Variants in ZSCAN2 observed in about 807,000 individuals in gnomAD.
ZSCAN2 encodes zinc finger and SCAN domain containing 2.
In ZSCAN2, 26 loss-of-function variants were observed where a neutral mutation model predicts 47.8. The ratio of observed to expected loss-of-function variants is 0.54; its 90% CI spans 0.40 to 0.75. The LOEUF (loss-of-function observed/expected upper bound fraction) is 0.75, where lower values mean the gene tolerates loss of function less well. ZSCAN2 is among the 30% of genes least tolerant of loss of function. ZSCAN2 has a pLI of 0.00. For synonymous variants in ZSCAN2, 305 were observed against 288.7 expected, an observed-to-expected ratio of 1.06 and a Z score of -0.57; for missense variants, 732 against 785.4, an observed-to-expected ratio of 0.93 and a Z score of 0.81.
In ZSCAN2 at chr15:84,622,362, C is replaced by T; in HGVS notation, c.*322C>T. The T allele has an allele frequency of 1.7e-6, 1 of 576,260 alleles. No homozygotes were observed. Among genetic ancestry groups the T allele is most frequent in the East Asian group, 3.0e-5 (1 of 33,754 alleles). The allele number at this position is 576,260 out of a possible 1,614,324, so 35.7% of individuals were successfully genotyped here. A position where few individuals can be genotyped will look rare whatever the true frequency, so the allele number is the denominator to read the frequency against. The stretch of plus-strand genomic sequence containing the variant: ...TTTGGTAAAATGGGGGGAAATGTTT[C>T]TCCATGTGGAATGGAAGACAGCATG... On this transcript the variant is annotated 3_prime_UTR_variant, in exon 3 of 3. Coordinates refer to ENST00000546148, the MANE Select transcript of ZSCAN2 (RefSeq NM_181877.4).
At chr15:84,616,389 C>G (rs768972170) in intron 2 of ZSCAN2, 2 of 1,607,612 alleles carry the variant, frequency 1.2e-6, no homozygotes, top group Non-Finnish European at 1.7e-6. Context: ...ACCAAAGAAG[C>G]CAGCCCTGCT....
chr15:84,615,532 T>C (rs1407536007), intron 2 of ZSCAN2, among the ~76,000 whole-genome samples: 2 of 152,136 alleles, frequency 1.3e-5, no homozygotes, highest in African/African-American at 4.8e-5. Context: ...GGTGTTGCCA[T>C]GTTTCCTAAG....
chr15:84,609,350 C>G (rs1168785297), intron 2 of ZSCAN2, among the ~76,000 whole-genome samples: 1 of 149,392 alleles, frequency 6.7e-6, no homozygotes, highest in African/African-American at 2.5e-5. Flanking sequence ...GAGACAAAGT[C>G]TCACTCTGTC....
At chr15:84,616,510 CT>C in intron 2 of ZSCAN2, 1 of 1,365,922 alleles carries the variant, frequency 7.3e-7, no homozygotes, top group South Asian at 2.0e-5. Flanking sequence ...TTCCTCATTG[CT>C]TTTACCCAGT....
intron 2 of ZSCAN2, among the ~76,000 whole-genome samples, chr15:84,617,034 A>G (rs1238415873): frequency 2.0e-5 from 3 of 152,098 alleles, no homozygotes; most frequent in Non-Finnish European, 2.9e-5. Context: ...AAGCAGGAGA[A>G]TTGCTTGAAC....
chr15:84,615,930 A>G (rs1006819753), intron 2 of ZSCAN2, among the ~76,000 whole-genome samples: 1 of 152,120 alleles, frequency 6.6e-6, no homozygotes, highest in African/African-American at 2.4e-5. Flanking sequence ...GATGGAAATG[A>G]TCACTTTTCT....
intron 2 of ZSCAN2, chr15:84,606,539 C>A (rs1299595019): frequency 9.9e-6 from 16 of 1,613,576 alleles, no homozygotes; most frequent in Non-Finnish European, 1.3e-5. Context: ...CTGTAGCTGT[C>A]GTTGCTTCCC....
At position 84,604,154 on chromosome 15, in the gene ZSCAN2, C is replaced by A. The variant is rs150217069; in HGVS notation, c.227C>A (p.Ala76Glu). 4 of 1,613,512 alleles carry A rather than the reference C, an allele frequency of 2.5e-6. No homozygotes were observed. The highest frequency in any genetic ancestry group is 3.4e-6 in the Non-Finnish European group (4 of 1,179,848). The change falls in exon 2 of 3, where the codon GCA becomes GAA. Residue 76 changes from alanine to glutamate, a missense_variant. This residue lies in a region of ZSCAN2 where 320 missense variants were observed against 287.4 expected (regional missense o/e 1.11). Transcript: ENST00000546148. The stretch of plus-strand genomic sequence containing the variant: ...GAGGTGACCAGGGGACCACAGGGTG[C>A]ACTCGGCCGCCTCCGAGAGCTCTGC... ...QEEVTRGPQG[A>E]LGRLRELCRR...
chr15:84,609,015 G>C (rs1253101659), intron 2 of ZSCAN2, among the ~76,000 whole-genome samples: 10 of 152,238 alleles, frequency 6.6e-5, no homozygotes. Context: ...TTGTCCAACA[G>C]TTGAGTGAAA....
At chr15:84,619,005 G>C (rs973116820) in intron 2 of ZSCAN2, among the ~76,000 whole-genome samples, 1 of 152,136 alleles carries the variant, frequency 6.6e-6, no homozygotes, top group African/African-American at 2.4e-5. Flanking sequence ...CCTCATCCTC[G>C]GGTAGATTTT....
At position 84,621,316 on chromosome 15, in the gene ZSCAN2, A is replaced by G; in HGVS notation, c.1121A>G (p.Asn374Ser). Residue 374 changes from asparagine to serine, a missense_variant, in exon 3 of 3, where the codon AAC becomes AGC. Physicochemically the swap from Asn to Ser is conservative, Grantham distance 46. Around this residue, in one of 2 missense-constraint regions of ZSCAN2, gnomAD observed 412 missense variants for 498.0 expected, o/e 0.83. Transcript: ENST00000546148. The surrounding 1 kb of genome is among the most constrained non-coding windows in gnomAD (Gnocchi z 5.7). ...GAATGCGGCGAAAGCTTTAGTTACA[A>G]CTCCAATCTAATCAGACACCAGAGA... ...CKECGESFSY[N>S]SNLIRHQRIH... The G allele has an allele frequency of 6.2e-7, 1 of 1,613,486 alleles. No homozygotes were observed. The highest frequency in any genetic ancestry group is 8.5e-7 in the Non-Finnish European group (1 of 1,179,880).
chr15:84,617,689 C>G (rs1024944612), intron 2 of ZSCAN2, among the ~76,000 whole-genome samples: 1 of 152,208 alleles, frequency 6.6e-6, no homozygotes, highest in Non-Finnish European at 1.5e-5. Flanking sequence ...ATCATCCCAG[C>G]ACTTTGGGAG....
In ZSCAN2 at chr15:84,621,209, G is replaced by A. The variant is rs1895808890; in HGVS notation, c.1014G>A (p.Glu338=). Residue 338 remains glutamate, a synonymous_variant, in exon 3 of 3, where the codon GAG becomes GAA. Coordinates refer to ENST00000546148, the MANE Select transcript of ZSCAN2 (RefSeq NM_181877.4). The surrounding 1 kb of genome is among the most constrained non-coding windows in gnomAD (Gnocchi z 5.7). ...HTGEKPYSCP[E]CGKSFGNRSS... Reference sequence around the variant, plus strand: ...GAGAGAAACCCTACTCGTGCCCCGAGTGTGGAAAGAGCTTTGGCAACCGAT... The same window carrying A: ...GAGAGAAACCCTACTCGTGCCCCGAATGTGGAAAGAGCTTTGGCAACCGAT... The A allele has an allele frequency of 1.2e-6, 2 of 1,613,814 alleles. No homozygotes were observed. The highest frequency in any genetic ancestry group is 1.7e-6 in the Non-Finnish European group (2 of 1,179,986).
At chr15:84,608,068 G>T (rs1033732999) in intron 2 of ZSCAN2, among the ~76,000 whole-genome samples, 1 of 152,038 alleles carries the variant, frequency 6.6e-6, no homozygotes, top group Non-Finnish European at 1.5e-5. Flanking sequence ...ATGAATACTT[G>T]TCTTATTTCT....
chr15:84,602,593 T>C (rs1337383967), intron 1 of ZSCAN2, among the ~76,000 whole-genome samples: 5 of 146,656 alleles, frequency 3.4e-5, no homozygotes, highest in Admixed American at 1.4e-4. Flanking sequence ...TTTTCTTTTT[T>C]TTTTTTTTTT....
chr15:84,603,962 C>T lies in ZSCAN2; in HGVS notation c.35C>T (p.Pro12Leu), dbSNP rs777228309. 1.7e-5 allele frequency: 27 copies of T among 1,613,760 alleles called. No individual in the cohort carries two copies. The highest frequency in any genetic ancestry group is 1.1e-4 in the South Asian group (10 of 91,072). ...MAADIPRVTTPLSSLVQVPQE... is the reference protein window; with the variant it reads ...MAADIPRVTTLLSSLVQVPQE... ...GCAGACATCCCGAGAGTGACCACTC[C>T]GCTGAGCTCCTTGGTCCAGGTGCCT... is the stretch of plus-strand genomic sequence containing the variant. Residue 12 changes from proline to leucine, a missense_variant, in exon 2 of 3, where the codon CCG (proline) becomes CTG (leucine). By Grantham distance (98) the Pro-to-Leu change is moderately conservative. Coordinates refer to ENST00000546148, the MANE Select transcript of ZSCAN2 (RefSeq NM_181877.4).
chr15:84,622,110 C>G lies in ZSCAN2; in HGVS notation c.*70C>G. 7.6e-7 allele frequency: 1 copy of G among 1,322,786 alleles called. No individual in the cohort carries two copies. Among genetic ancestry groups the G allele is most frequent in the East Asian group, 2.3e-5 (1 of 43,130 alleles). 81.9% of individuals were successfully genotyped at this position (1,322,786 alleles called of 1,614,324 possible). On this transcript the variant is annotated 3_prime_UTR_variant, in exon 3 of 3. Coordinates refer to ENST00000546148, the MANE Select transcript of ZSCAN2 (RefSeq NM_181877.4). ...GCCACACTGCCCCAACAGTGATTCC[C>G]TTTCAAAGAGCTGTGCTTCCTAAAC...
Position 84,621,641 on chromosome 15 carries a change from C to A in ZSCAN2, c.1446C>A (p.Ser482Arg). The change falls in exon 3 of 3, where the codon AGC becomes AGA. Residue 482 changes from serine (S) to arginine (R), a missense_variant. Physicochemically the swap from Ser to Arg is moderately radical, Grantham distance 110. Transcript: ENST00000546148. This position sits in a 1 kb window ranked among gnomAD's most constrained non-coding sequence, Gnocchi z 5.7. ...ACGAGTGCCTGACATGTGGGGAGAGCTTCAGCTGGAGCTCCAACCTCCTCA... is the reference window on the plus strand; with the variant it reads ...ACGAGTGCCTGACATGTGGGGAGAGATTCAGCTGGAGCTCCAACCTCCTCA... ...KPYECLTCGE[S>R]FSWSSNLLKH... 1 of 1,613,910 alleles carries A rather than the reference C, an allele frequency of 6.2e-7. No homozygotes were observed. Among genetic ancestry groups the A allele is most frequent in the Non-Finnish European group, 8.5e-7 (1 of 1,179,962 alleles).
intron 2 of ZSCAN2, among the ~76,000 whole-genome samples, chr15:84,605,153 C>G (rs1315710550): frequency 1.3e-5 from 2 of 152,180 alleles, no homozygotes; most frequent in Non-Finnish European, 2.9e-5. Flanking sequence ...CAAACTTGAG[C>G]TCTTTGCAAT....
Sources: gnomAD v4.1 joint callset for allele counts (sites outside exome capture counted in the v4.1 genomes callset) on GRCh38, gnomAD v4.1.1 for gene constraint, gnomAD v4.1.1 regional missense constraint, Gnocchi (gnomAD v3.1) non-coding constraint, MANE v1.5 for transcripts, NCBI Gene and HGNC (gene_info 2026-07-23, HGNC 2026-07-21) for gene names.